CRYZL1: variants seen among roughly 807,000 people sequenced by gnomAD.
The protein encoded by CRYZL1 is ferry endosomal RAB5 effector complex subunit 4.
In CRYZL1, 34 loss-of-function variants were observed where a neutral mutation model predicts 50.6. The ratio of observed to expected loss-of-function variants is 0.67; its 90% CI spans 0.51 to 0.89. The LOEUF (loss-of-function observed/expected upper bound fraction) is 0.89, where lower values mean the gene tolerates loss of function less well. CRYZL1 is among the 40% of genes least tolerant of loss of function. The pLI is 0.00. For synonymous variants in CRYZL1, 125 were observed against 134.3 expected (o/e 0.93, Z 0.48); for missense variants, 354 against 402.3 (o/e 0.88, Z 1.03).
rs1003365626 is a variant in CRYZL1, at chr21:33,641,295, G to A, written c.-7+386C>T. On this transcript the variant is annotated intron_variant, in intron 1 of 12. Transcript: ENST00000381554. ...CCGAAAACAGCAAAGTGATGAGGAA[G>A]AAAGAAGTGGCTGAGAAGAAGTAAC... 1.9e-6 allele frequency: 3 copies of A among 1,549,262 alleles called. No individual in the cohort carries two copies. The African/African-American group carries it at 4.1e-5, about 21-fold the overall frequency.
chr21:33,631,520 G>A lies in CRYZL1; in HGVS notation c.32C>T (p.Thr11Ile). 2.0e-6 allele frequency: 3 copies of A among 1,519,278 alleles called. No individual in the cohort carries two copies. Among genetic ancestry groups the A allele is most frequent in the Admixed American group, 2.4e-5 (1 of 41,492 alleles). 94.1% of individuals were successfully genotyped at this position (1,519,278 alleles called of 1,614,324 possible). The change falls in exon 2 of 13, where the codon ACA (threonine) becomes ATA (isoleucine). Residue 11 changes from threonine (T) to isoleucine (I), a missense_variant. Coordinates refer to ENST00000381554, the MANE Select transcript of CRYZL1 (RefSeq NM_145858.3). Reference protein sequence around the residue: MKGLYFQQSSTDEEITFVFQE... With the variant: MKGLYFQQSSIDEEITFVFQE... Reference sequence around the variant, plus strand: ...AAATACAAATGTTATTTCTTCATCTGTGGAACTCTGTTGGAAATATAAGCC... The same window carrying A: ...AAATACAAATGTTATTTCTTCATCTATGGAACTCTGTTGGAAATATAAGCC...
chr21:33,632,441 G>A (rs566788546), intron 1 of CRYZL1, among the ~76,000 whole-genome samples: 11 of 151,604 alleles, frequency 7.3e-5, no homozygotes, highest in African/African-American at 1.2e-4. Flanking sequence ...GTAGTGGCAC[G>A]ATCTTGGCTC....
intron 2 of CRYZL1, among the ~76,000 whole-genome samples, chr21:33,629,066 C>A (rs1361761471): frequency 2.8e-5 from 4 of 144,902 alleles, no homozygotes; most frequent in Non-Finnish European, 1.5e-5. Context: ...CTGCCTCTAC[C>A]AAAAAAAAAA....
chr21:33,593,250 G>A (rs2086661185), intron 11 of CRYZL1, among the ~76,000 whole-genome samples: 1 of 151,814 alleles, frequency 6.6e-6, no homozygotes, highest in African/African-American at 2.4e-5. Flanking sequence ...GGGACTACAG[G>A]TGCCCGCCAC....
At chr21:33,618,622 G>A (rs2086962339) in intron 4 of CRYZL1, among the ~76,000 whole-genome samples, 1 of 152,158 alleles carries the variant, frequency 6.6e-6, no homozygotes, top group Non-Finnish European at 1.5e-5. Flanking sequence ...TGGCCCCAGA[G>A]TGCATTTGTT....
At chr21:33,611,050 A>G (rs899375362) in intron 6 of CRYZL1, among the ~76,000 whole-genome samples, 2 of 152,038 alleles carry the variant, frequency 1.3e-5, no homozygotes, top group African/African-American at 4.8e-5. Context: ...TGTTTTTAAT[A>G]ATTTATCTTC....
At chr21:33,626,473 G>A (rs543188167) in intron 2 of CRYZL1, among the ~76,000 whole-genome samples, 1 of 151,792 alleles carries the variant, frequency 6.6e-6, no homozygotes, top group East Asian at 2.0e-4. Context: ...GAGGTAAGTG[G>A]ATCACTTAAG....
intron 11 of CRYZL1, among the ~76,000 whole-genome samples, chr21:33,593,050 T>G (rs1445725181): frequency 1.4e-5 from 2 of 138,202 alleles, no homozygotes; most frequent in African/African-American, 5.4e-5. Context: ...AGACTCTATC[T>G]CAAAAAAAAA....
chr21:33,621,813 G>A (rs2087005844), intron 4 of CRYZL1, among the ~76,000 whole-genome samples, 183 bp downstream of exon 4: 1 of 151,494 alleles, frequency 6.6e-6, no homozygotes, highest in South Asian at 2.1e-4. Context: ...TGATCAGGCT[G>A]GGCAACACAG....
At chr21:33,624,812 A>C in intron 2 of CRYZL1, 52 bp from the exon 3 acceptor site, 2 of 1,563,590 alleles carry the variant, frequency 1.3e-6, no homozygotes, top group South Asian at 2.4e-5. Flanking sequence ...TTCCTATGAG[A>C]ATATGTCTTT....
intron 9 of CRYZL1, among the ~76,000 whole-genome samples, chr21:33,597,712 ACGC>A (rs1449386446): frequency 6.6e-6 from 1 of 152,028 alleles, no homozygotes; most frequent in African/African-American, 2.4e-5. Flanking sequence ...TCCCGGGTTC[ACGC>A]CATCCTCCTG....
intron 8 of CRYZL1, among the ~76,000 whole-genome samples, chr21:33,600,251 T>C (rs2086736936): frequency 6.6e-6 from 1 of 152,122 alleles, no homozygotes; most frequent in Admixed American, 6.5e-5. Flanking sequence ...ATCTTAAAGC[T>C]AAGGAAAAGG....
At chr21:33,610,069 T>G (rs2086855400) in intron 6 of CRYZL1, among the ~76,000 whole-genome samples, 1 of 151,726 alleles carries the variant, frequency 6.6e-6, no homozygotes, top group African/African-American at 2.4e-5. Context: ...AGGCTGGTCT[T>G]GAACTCCTGG....
intron 5 of CRYZL1, among the ~76,000 whole-genome samples, chr21:33,615,666 T>TA (rs1353576311): frequency 4.6e-5 from 7 of 152,168 alleles, no homozygotes; most frequent in Admixed American, 3.3e-4. Context: ...CTGTGGATTT[T>TA]AAAAAACAAT....
At chr21:33,638,210 CTTTTTTTTT>C (rs569863892) in intron 1 of CRYZL1, among the ~76,000 whole-genome samples, 117 of 126,800 alleles carry the variant, frequency 9.2e-4, no homozygotes, top group Admixed American at 1.9e-3. Context: ...GTCAGGTCTG[CTTTTTTTTT>C]TTTTTTTTTT....
chr21:33,596,157 G>A (rs1260660059), intron 10 of CRYZL1: 4 of 533,928 alleles, frequency 7.5e-6, no homozygotes, highest in East Asian at 5.1e-5. Flanking sequence ...TGAGAATTAC[G>A]GTATTTGCAT....
chr21:33,630,685 T>C (rs1212940198), intron 2 of CRYZL1, among the ~76,000 whole-genome samples: 2 of 152,046 alleles, frequency 1.3e-5, no homozygotes, highest in East Asian at 1.9e-4. Flanking sequence ...CAAAGTGATA[T>C]CTGTACCTCC....
intron 1 of CRYZL1, among the ~76,000 whole-genome samples, chr21:33,633,461 G>A (rs1290199538): frequency 6.6e-6 from 1 of 150,510 alleles, no homozygotes; most frequent in African/African-American, 2.5e-5. Flanking sequence ...TTGCTCTGTC[G>A]CCAGGCTGGA....
At chr21:33,610,447 C>A (rs1380267883) in intron 6 of CRYZL1, among the ~76,000 whole-genome samples, 1 of 152,102 alleles carries the variant, frequency 6.6e-6, no homozygotes. Flanking sequence ...TGAGCCACCA[C>A]GCCTGTCGTA....
Sources: allele counts gnomAD v4.1 joint callset (sites outside exome capture counted in the v4.1 genomes callset), GRCh38; gene constraint gnomAD v4.1.1; transcripts MANE v1.5; gene names NCBI Gene and HGNC (gene_info 2026-07-23, HGNC 2026-07-21).